Variants in ANKRD26 observed in about 807,000 individuals in gnomAD.
ANKRD26 encodes ankyrin repeat domain-containing protein 26.
A neutral mutation model predicts 208.7 loss-of-function variants in ANKRD26; 141 were observed. The ratio of observed to expected loss-of-function variants is 0.68; its 90% CI spans 0.59 to 0.78. The LOEUF is 0.78. Ranked by LOEUF, ANKRD26 falls within the 30% of genes least tolerant of loss-of-function variation. The pLI is 0.00. For synonymous variants in ANKRD26, 636 were observed against 660.4 expected (o/e 0.96, Z 0.57); for missense variants, 1,889 against 1,938.7 (o/e 0.97, Z 0.48).
At position 27,079,170 on chromosome 10, in the gene ANKRD26, C is replaced by G. The variant is rs2135589815; in HGVS notation, c.741-9G>C. On this transcript the variant is annotated splice_polypyrimidine_tract_variant and intron_variant, in intron 6 of 33. Transcript: ENST00000376087. ...CCGGTTTGCCAGAAAGCCTTTAGAA[C>G]AAAAATATAGAAAAATGAGTGAATT... 6.2e-7 allele frequency: 1 copy of G among 1,609,356 alleles called. No individual in the cohort carries two copies. The highest frequency in any genetic ancestry group is 1.3e-5 in the African/African-American group (1 of 74,850).
the ANKRD26 span, among the ~76,000 whole-genome samples, chr10:26,961,458 C>T: frequency 1.8e-4 from 28 of 152,214 alleles, no homozygotes; most frequent in Non-Finnish European, 1.2e-4. Context: ...ACAGGACTCG[C>T]TGGGCTTGAA....
At chr10:27,080,168 A>G (rs1004112772) in intron 6 of ANKRD26, 2 of 156,076 alleles carry the variant, frequency 1.3e-5, no homozygotes, top group African/African-American at 4.8e-5. Flanking sequence ...AAAAAAATAA[A>G]ATAAAATAAA....
chr10:27,030,121 G>A (rs1270871233), intron 25 of ANKRD26, among the ~76,000 whole-genome samples: 1 of 152,132 alleles, frequency 6.6e-6, no homozygotes, highest in East Asian at 1.9e-4. Flanking sequence ...TGTATTTTAT[G>A]TTCTAATAAA....
chr10:27,058,998 T>C (rs578194251), intron 15 of ANKRD26, among the ~76,000 whole-genome samples: 293 of 151,744 alleles, frequency 1.9e-3, no homozygotes, highest in Middle Eastern at 6.8e-3. Flanking sequence ...CACTGCAAAC[T>C]CCACCTCCCG....
At chr10:26,951,778 A>G in the ANKRD26 span, among the ~76,000 whole-genome samples, 1 of 152,210 alleles carries the variant, frequency 6.6e-6, no homozygotes, top group Non-Finnish European at 1.5e-5. Context: ...ACTGACTTTA[A>G]CGGTGTATTA....
intron 27 of ANKRD26, 130 bp downstream of exon 27, chr10:27,028,722 C>A: frequency 1.3e-6 from 1 of 762,064 alleles, no homozygotes. Context: ...ACAAATATTC[C>A]AAAATAAAAA....
chr10:26,952,743 A>G, the ANKRD26 span, among the ~76,000 whole-genome samples: 1 of 152,234 alleles, frequency 6.6e-6, no homozygotes, highest in Admixed American at 6.5e-5. Context: ...AACTCTTGAG[A>G]AAAAACAGTA....
At chr10:27,070,577 T>A (rs2055445271) in intron 9 of ANKRD26, among the ~76,000 whole-genome samples, 1 of 152,130 alleles carries the variant, frequency 6.6e-6, no homozygotes, top group Non-Finnish European at 1.5e-5. Flanking sequence ...TTAACAACTA[T>A]GAATACTAAA....
At chr10:27,003,300 G>A (rs1270549169), downstream of ANKRD26, among the ~76,000 whole-genome samples, 2 of 152,004 alleles carry the variant, frequency 1.3e-5, no homozygotes, top group Non-Finnish European at 2.9e-5. Context: ...AAGTCCAGGG[G>A]GCATCTGAAC....
intron 29 of ANKRD26, among the ~76,000 whole-genome samples, chr10:27,022,300 A>G (rs2053516101): frequency 6.6e-6 from 1 of 152,180 alleles, no homozygotes. Context: ...GGAATCAAGA[A>G]AAATAACTAA....
rs2052792436 is a variant in ANKRD26, at chr10:27,004,163, T to A, written c.*1427A>T. ...TATTAAGTACCTATATTCATATTCA[T>A]CTAGAAAGACAGGAGGAGAAGGGGG... On this transcript the variant is annotated 3_prime_UTR_variant, in exon 34 of 34. Coordinates refer to ENST00000376087, the MANE Select transcript of ANKRD26 (RefSeq NM_014915.3). The A allele has an allele frequency of 6.6e-6, 1 of 152,172 alleles. No individual in the cohort carries two copies. The highest frequency in any genetic ancestry group is 1.5e-5 in the Non-Finnish European group (1 of 68,036). 9.4% of individuals were successfully genotyped at this position (152,172 alleles called of 1,614,324 possible). A position where few individuals can be genotyped will look rare whatever the true frequency, so the allele number is the denominator to read the frequency against.
intron 16 of ANKRD26, among the ~76,000 whole-genome samples, chr10:27,049,916 G>A (rs979454896): frequency 6.6e-6 from 1 of 152,210 alleles, no homozygotes; most frequent in Admixed American, 6.5e-5. Flanking sequence ...AGTCTCGTCT[G>A]CTTTTACTTT....
chr10:27,065,736 A>C (rs1188028159), intron 11 of ANKRD26, among the ~76,000 whole-genome samples: 1 of 149,870 alleles, frequency 6.7e-6, no homozygotes, highest in African/African-American at 2.4e-5. Flanking sequence ...AAAAAACAAA[A>C]AAAAAAAACA....
At chr10:27,026,751 G>A (rs185604787) in intron 27 of ANKRD26, among the ~76,000 whole-genome samples, 1 of 151,904 alleles carries the variant, frequency 6.6e-6, no homozygotes, top group Non-Finnish European at 1.5e-5. Context: ...TGGTATTGTG[G>A]ATTACACGGC....
chr10:27,024,168 T>C (rs1044348519), intron 28 of ANKRD26, among the ~76,000 whole-genome samples: 5 of 152,130 alleles, frequency 3.3e-5, no homozygotes, highest in Non-Finnish European at 1.5e-5. Flanking sequence ...GAAAATATCT[T>C]CAGAAATAAA....
chr10:27,068,777 G>C, intron 9 of ANKRD26, among the ~76,000 whole-genome samples: 1 of 151,988 alleles, frequency 6.6e-6, no homozygotes, highest in East Asian at 1.9e-4. Context: ...TGGGGGTTGG[G>C]GGAGTGGTCA....
the ANKRD26 span, among the ~76,000 whole-genome samples, chr10:26,959,873 A>T: frequency 6.6e-6 from 1 of 152,214 alleles, no homozygotes; most frequent in African/African-American, 2.4e-5. Flanking sequence ...CTTATAACTT[A>T]GTAAAGACTT....
At chr10:27,096,122 AG>A (rs1470729637) in intron 1 of ANKRD26, among the ~76,000 whole-genome samples, 2 of 152,270 alleles carry the variant, frequency 1.3e-5, no homozygotes, top group Non-Finnish European at 2.9e-5. Context: ...AACTTCTCTC[AG>A]GCTTGATTTC....
intron 25 of ANKRD26, among the ~76,000 whole-genome samples, chr10:27,032,989 G>A (rs1479389438): frequency 6.7e-6 from 1 of 150,220 alleles, no homozygotes; most frequent in Non-Finnish European, 1.5e-5. Flanking sequence ...GCAGGAGAAT[G>A]GAGTGAGCCC....
Sources: gnomAD v4.1 joint callset for allele counts (sites outside exome capture counted in the v4.1 genomes callset) on GRCh38, gnomAD v4.1.1 for gene constraint, MANE v1.5 for transcripts, NCBI Gene and HGNC (gene_info 2026-07-23, HGNC 2026-07-21) for gene names.